The following P3H2 variants were observed in gnomAD, a reference collection of about 807,000 sequenced individuals.
The protein encoded by P3H2 is prolyl 3-hydroxylase 2, also known as leprecan-like 1.
P3H2 carries 80 observed loss-of-function variants against 87.0 expected under a neutral mutation model. The ratio of observed to expected loss-of-function variants is 0.92; its 90% CI spans 0.77 to 1.11. The LOEUF is 1.11. Among genes scored for constraint, P3H2 ranks in the 50% least tolerant of loss-of-function variants. P3H2 has a pLI of 0.00. For missense variants in P3H2, 1,001 were observed against 923.9 expected, an observed-to-expected ratio of 1.08 and a Z score of -1.08; for synonymous variants, 367 against 359.3, an observed-to-expected ratio of 1.02 and a Z score of -0.24.
intron 1 of P3H2, among the ~76,000 whole-genome samples, chr3:190,011,898 C>A (rs1212015835): frequency 6.6e-6 from 1 of 152,114 alleles, no homozygotes; most frequent in Non-Finnish European, 1.5e-5. Context: ...AAATGTTATA[C>A]ATCAAATGTT....
In P3H2 at chr3:190,120,547, C is replaced by G. The variant is rs1422138816; in HGVS notation, c.185G>C (p.Arg62Pro). ...CGCCGCTTCCAAGTCGCGCACCGCTCGCTCGTAGTCTCCGCTGTAGTAGGC... is the reference window on the plus strand; with the variant it reads ...CGCCGCTTCCAAGTCGCGCACCGCTGGCTCGTAGTCTCCGCTGTAGTAGGC... The part of the protein sequence containing the change: ...AAAYYSGDYE[R>P]AVRDLEAALR... The change falls in exon 1 of 15, where the codon CGA becomes CCA. Residue 62 changes from arginine to proline, a missense_variant. Physicochemically the swap from Arg to Pro is moderately radical, Grantham distance 103. Transcript: ENST00000319332. 2.8e-5 allele frequency: 42 copies of G among 1,518,630 alleles called. No homozygotes were observed. Among genetic ancestry groups the G allele is most frequent in the Non-Finnish European group, 3.5e-5 (40 of 1,142,660 alleles). The allele number at this position is 1,518,630 out of a possible 1,614,324, so 94.1% of individuals were successfully genotyped here.
intron 14 of P3H2, among the ~76,000 whole-genome samples, chr3:189,960,101 G>T (rs1035772055): frequency 1.3e-4 from 19 of 151,770 alleles, no homozygotes; most frequent in African/African-American, 3.6e-4. Context: ...ATTGTCTCTG[G>T]GCCTTTGCAG....
chr3:190,087,146 T>A (rs879277881), intron 1 of P3H2, among the ~76,000 whole-genome samples: 17 of 152,232 alleles, frequency 1.1e-4, no homozygotes, highest in Admixed American at 9.8e-4. Flanking sequence ...AAATTCTTAC[T>A]CTGCATATTT....
chr3:189,959,857 G>GAT (rs1286971179), intron 14 of P3H2, among the ~76,000 whole-genome samples: 1 of 114,606 alleles, frequency 8.7e-6, no homozygotes, highest in Non-Finnish European at 1.9e-5. Context: ...GACTGGAGGA[G>GAT]ATATGTGTGT....
At chr3:190,117,980 G>A (rs77636700) in intron 1 of P3H2, among the ~76,000 whole-genome samples, 29 of 152,260 alleles carry the variant, frequency 1.9e-4, no homozygotes, top group African/African-American at 6.5e-4. Flanking sequence ...CGAAGCCACG[G>A]ATCTTTGAAA....
At chr3:190,089,344 T>C (rs894995804) in intron 1 of P3H2, among the ~76,000 whole-genome samples, 1 of 152,188 alleles carries the variant, frequency 6.6e-6, no homozygotes, top group African/African-American at 2.4e-5. Flanking sequence ...GTTGTGCACA[T>C]GTACGCTACA....
chr3:189,958,609 C>G (rs1464569539), intron 14 of P3H2, among the ~76,000 whole-genome samples: 21 of 151,934 alleles, frequency 1.4e-4, no homozygotes, highest in Admixed American at 1.4e-3. Context: ...GACACCCCGT[C>G]CTCTCTACCT....
At chr3:190,011,019 T>A (rs1158838646) in intron 1 of P3H2, among the ~76,000 whole-genome samples, 1 of 151,984 alleles carries the variant, frequency 6.6e-6, no homozygotes, top group South Asian at 2.1e-4. Context: ...TAAGAAAAAA[T>A]ATAGTTCCTT....
intron 1 of P3H2, among the ~76,000 whole-genome samples, chr3:190,065,830 G>A (rs1448102750): frequency 1.3e-5 from 2 of 152,004 alleles, no homozygotes; most frequent in Non-Finnish European, 2.9e-5. Flanking sequence ...ACTTTTTGAT[G>A]TGGACATTTA....
chr3:190,042,322 A>G (rs1447934), intron 1 of P3H2, among the ~76,000 whole-genome samples: 97,334 of 151,976 alleles, frequency 0.64, 31,555 homozygotes, highest in Admixed American at 0.73. Flanking sequence ...AGCAGAAAGT[A>G]TATGGTATTA....
chr3:189,994,454 C>T (rs1361435437), intron 2 of P3H2, among the ~76,000 whole-genome samples, 171 bp from the exon 3 acceptor site: 2 of 152,148 alleles, frequency 1.3e-5, no homozygotes, highest in African/African-American at 4.8e-5. Flanking sequence ...AGATAAAGAA[C>T]AACATTCCTG....
chr3:190,087,476 G>A (rs181809863), intron 1 of P3H2, among the ~76,000 whole-genome samples: 76 of 148,034 alleles, frequency 5.1e-4, no homozygotes, highest in Admixed American at 4.9e-3. Flanking sequence ...CCTGGGAGGC[G>A]GAGCTTGCAG....
chr3:190,087,391 G>A (rs376385675), intron 1 of P3H2, among the ~76,000 whole-genome samples: 2,982 of 150,628 alleles, frequency 0.02, 76 homozygotes, highest in African/African-American at 0.064. Flanking sequence ...AAAAAAAAAA[G>A]AAATTAGCTG....
rs190766985 is a variant in P3H2 at position 190,027,289 on chromosome 3, A to C, written c.481-31847T>G. Among the ~76,000 whole-genome samples the C allele has an allele frequency of 2.4e-4, 37 of 152,350 alleles. No individual in the cohort carries two copies. The East Asian group carries it at 6.8e-3, about 28-fold the overall frequency. ...ACCCAACAGATAATACTATACCATG[A>C]AGCAAAGATGATGTAAACACATCTT... On this transcript the variant is annotated intron_variant, in intron 1 of 14. Transcript: ENST00000319332.
Position 189,957,218 on chromosome 3 carries a change from CG to C in P3H2, c.*693del. 1 of 398,938 alleles carries C rather than the reference CG, an allele frequency of 2.5e-6. No homozygotes were observed. The highest frequency in any genetic ancestry group is 2.1e-5 in the African/African-American group (1 of 48,694). 24.7% of individuals were successfully genotyped at this position (398,938 alleles called of 1,614,324 possible). ...ATTACGCCCATGATACCTGAGGCAGCGTGGACTCTGCCAGGGGCTCCTCAGA... is the reference window on the plus strand; with the variant it reads ...ATTACGCCCATGATACCTGAGGCAGCTGGACTCTGCCAGGGGCTCCTCAGA... On this transcript the variant is annotated 3_prime_UTR_variant, in exon 15 of 15. Transcript: ENST00000319332.
In P3H2 at chr3:189,957,342, A is replaced by T; in HGVS notation, c.*570T>A. ...AGAGCAAGAAAGGGCTTCAGAGACCAGGCACAGGTTAATTTTAGAACTGGA... is the reference window on the plus strand; with the variant it reads ...AGAGCAAGAAAGGGCTTCAGAGACCTGGCACAGGTTAATTTTAGAACTGGA... On this transcript the variant is annotated 3_prime_UTR_variant, in exon 15 of 15. Transcript: ENST00000319332. The T allele has an allele frequency of 2.5e-6, 1 of 401,594 alleles. No homozygotes were observed. Among genetic ancestry groups the T allele is most frequent in the Non-Finnish European group, 4.4e-6 (1 of 228,708 alleles). 24.9% of individuals were successfully genotyped at this position (401,594 alleles called of 1,614,324 possible).
intron 1 of P3H2, among the ~76,000 whole-genome samples, chr3:190,101,002 T>C (rs1711605592): frequency 6.6e-6 from 1 of 152,132 alleles, no homozygotes; most frequent in South Asian, 2.1e-4. Flanking sequence ...CCATTACTGT[T>C]ACGATGATCT....
chr3:189,975,376 AT>A (rs1327392751), intron 8 of P3H2, among the ~76,000 whole-genome samples: 4 of 152,220 alleles, frequency 2.6e-5, no homozygotes, highest in Non-Finnish European at 5.9e-5. Flanking sequence ...TTGGGGTCAC[AT>A]TTTAGGTTGT....
Position 190,002,401 on chromosome 3 carries a change from C to T in P3H2, c.481-6959G>A, listed in dbSNP as rs145639235. On this transcript the variant is annotated intron_variant, in intron 1 of 14. Coordinates refer to ENST00000319332, the MANE Select transcript of P3H2 (RefSeq NM_018192.4). ...TGTTGGGTTTCTTTCTTTCTTTTTT[C>T]TTTTCTTTTTTTTTTTTTGAGTTGG... 1.6e-3 allele frequency among the ~76,000 whole-genome samples: 245 copies of T among 149,400 alleles called. 3 individuals are homozygous for T. In the East Asian group the frequency reaches 0.033, roughly 20 times the overall value.
Sources: allele counts gnomAD v4.1 joint callset (sites outside exome capture counted in the v4.1 genomes callset), GRCh38; gene constraint gnomAD v4.1.1; transcripts MANE v1.5; gene names NCBI Gene and HGNC (gene_info 2026-07-23, HGNC 2026-07-21).